The following SGCD variants were observed in gnomAD, a reference collection of about 807,000 sequenced individuals.
The protein encoded by SGCD is sarcoglycan delta.
SGCD carries 18 observed loss-of-function variants against 36.6 expected under a neutral mutation model. The ratio of observed to expected loss-of-function variants is 0.49; its 90% CI spans 0.34 to 0.73. SGCD has a LOEUF of 0.73. Ranked by LOEUF, SGCD falls within the 30% of genes least tolerant of loss-of-function variation. The probability of loss-of-function intolerance (pLI) is 0.01; values close to 1 mark genes in which losing one functional copy is unlikely to be tolerated. For missense variants in SGCD, 387 were observed against 346.7 expected (o/e 1.12, Z -0.92); for synonymous variants, 133 against 130.6 (o/e 1.02, Z -0.12).
At chr5:155,730,475 G>GTGTGT in the SGCD span, among the ~76,000 whole-genome samples, 4 of 151,304 alleles carry the variant, frequency 2.6e-5, no homozygotes, top group Admixed American at 6.6e-5. Context: ...GTGTGTGTGT[G>GTGTGT]GCGAGGGGAA....
intron 3 of SGCD, 53 bp downstream of exon 3, chr5:156,344,730 G>T (rs1271364809): frequency 1.5e-5 from 20 of 1,354,522 alleles, no homozygotes; most frequent in Non-Finnish European, 2.1e-5. Flanking sequence ...GGGAAGCGTG[G>T]GGCAAGATGA....
At chr5:156,000,307 G>C (rs1160449500) in intron 1 of SGCD, among the ~76,000 whole-genome samples, 1 of 152,182 alleles carries the variant, frequency 6.6e-6, no homozygotes, top group Non-Finnish European at 1.5e-5. Flanking sequence ...TTGCAAAAGA[G>C]GCTTGGGCTT....
At chr5:156,135,100 C>G (rs1016389461) in intron 3 of SGCD, among the ~76,000 whole-genome samples, 1 of 152,114 alleles carries the variant, frequency 6.6e-6, no homozygotes, top group African/African-American at 2.4e-5. Flanking sequence ...ATAGTAAGTA[C>G]TCAATAGATA....
chr5:156,186,438 T>C (rs1000770686), intron 3 of SGCD, among the ~76,000 whole-genome samples: 1 of 152,168 alleles, frequency 6.6e-6, no homozygotes, highest in Non-Finnish European at 1.5e-5. Flanking sequence ...CTCTCATATC[T>C]TCTAAAACCA....
At chr5:156,647,583 C>A in intron 7 of SGCD, 47 bp downstream of exon 7, 2 of 1,174,822 alleles carry the variant, frequency 1.7e-6, no homozygotes, top group Non-Finnish European at 1.2e-6. Flanking sequence ...TATTGCCTTG[C>A]TCTGTGCAAC....
At chr5:156,365,989 G>C (rs1390401989) in intron 3 of SGCD, among the ~76,000 whole-genome samples, 2 of 152,118 alleles carry the variant, frequency 1.3e-5, no homozygotes, top group Non-Finnish European at 2.9e-5. Context: ...GCAAGAGAAG[G>C]TACAAGAAGA....
intron 6 of SGCD, among the ~76,000 whole-genome samples, chr5:156,601,686 GGTT>G (rs543006809): frequency 6.6e-6 from 1 of 151,886 alleles, no homozygotes; most frequent in Non-Finnish European, 1.5e-5. Context: ...TTTTTTGTTT[GGTT>G]GTTTTTGTTT....
chr5:156,578,590 G>A (rs765843384), intron 4 of SGCD, among the ~76,000 whole-genome samples: 71 of 152,278 alleles, frequency 4.7e-4, no homozygotes, highest in Non-Finnish European at 7.9e-4. Context: ...CTCAATTTCA[G>A]AGCCTGTTAT....
At chr5:156,594,005 A>C (rs1760827936) in intron 5 of SGCD, among the ~76,000 whole-genome samples, 1 of 152,100 alleles carries the variant, frequency 6.6e-6, no homozygotes, top group African/African-American at 2.4e-5. Context: ...GAATGATTAT[A>C]CTCCTGGATT....
intron 3 of SGCD, among the ~76,000 whole-genome samples, chr5:156,149,707 T>C (rs1762788893): frequency 6.6e-6 from 1 of 150,680 alleles, no homozygotes; most frequent in Non-Finnish European, 1.5e-5. Context: ...TGAGAGCTGG[T>C]GGGGTGATGT....
intron 1 of SGCD, among the ~76,000 whole-genome samples, chr5:156,010,610 A>G (rs180953634): frequency 4.1e-4 from 62 of 152,320 alleles, no homozygotes; most frequent in African/African-American, 1.4e-3. Context: ...CTGTTATTCA[A>G]TTATTACTAT....
At chr5:155,781,548 A>G in the SGCD span, among the ~76,000 whole-genome samples, 1 of 152,072 alleles carries the variant, frequency 6.6e-6, no homozygotes, top group Non-Finnish European at 1.5e-5. Flanking sequence ...TGCACCCTTG[A>G]CCTCCTGAGT....
the SGCD span, among the ~76,000 whole-genome samples, chr5:155,786,395 T>C: frequency 6.6e-6 from 1 of 152,144 alleles, no homozygotes; most frequent in African/African-American, 2.4e-5. Context: ...GGCCATCTCT[T>C]CTGCAGAAAC....
At chr5:155,881,873 A>G (rs1466981726) in intron 1 of SGCD, among the ~76,000 whole-genome samples, 2 of 152,210 alleles carry the variant, frequency 1.3e-5, no homozygotes, top group African/African-American at 2.4e-5. Context: ...TTATTTAACC[A>G]TAAGAAGCAA....
intron 3 of SGCD, among the ~76,000 whole-genome samples, chr5:156,353,635 T>C (rs770519331): frequency 3.3e-4 from 51 of 152,350 alleles, no homozygotes; most frequent in African/African-American, 1.0e-3. Context: ...CCAGCTTAGC[T>C]TGGGGACTTG....
the SGCD span, among the ~76,000 whole-genome samples, chr5:155,846,066 C>T: frequency 2.6e-5 from 4 of 152,184 alleles, no homozygotes; most frequent in East Asian, 3.9e-4. Flanking sequence ...AAGATTATGG[C>T]GATGGATGAA....
the SGCD span, among the ~76,000 whole-genome samples, chr5:155,798,437 T>G: frequency 6.6e-6 from 1 of 152,362 alleles, no homozygotes. Flanking sequence ...ATTTACCTTC[T>G]GATTAATACC....
At chr5:156,651,143 G>A (rs1763443674) in intron 7 of SGCD, among the ~76,000 whole-genome samples, 1 of 151,898 alleles carries the variant, frequency 6.6e-6, no homozygotes, top group Non-Finnish European at 1.5e-5. Flanking sequence ...CTTTTTAATG[G>A]GGTTGTTTTT....
chr5:156,085,358 A>G (rs2127592628), intron 1 of SGCD, among the ~76,000 whole-genome samples: 1 of 152,150 alleles, frequency 6.6e-6, no homozygotes, highest in Middle Eastern at 3.4e-3. Context: ...TGTCCTCGTG[A>G]TAGTGAGTTG....
Sources: gnomAD v4.1 joint callset for allele counts (sites outside exome capture counted in the v4.1 genomes callset) on GRCh38, gnomAD v4.1.1 for gene constraint, MANE v1.5 for transcripts, NCBI Gene and HGNC (gene_info 2026-07-23, HGNC 2026-07-21) for gene names.